Variants in COG3 observed in about 807,000 individuals in gnomAD.
COG3 encodes conserved oligomeric Golgi complex subunit 3.
COG3 carries 32 observed loss-of-function variants against 114.1 expected under a neutral mutation model. The observed-to-expected ratio is 0.28, with a 90% CI of 0.21 to 0.38. The LOEUF is 0.38. Among genes scored for constraint, COG3 ranks in the 10% least tolerant of loss-of-function variants. The pLI is 1.00. For missense variants in COG3, 813 were observed against 973.2 expected (o/e 0.84, Z 2.19); for synonymous variants, 352 against 365.7 (o/e 0.96, Z 0.43).
chr13:45,494,140 C>T (rs1379690191), intron 12 of COG3, among the ~76,000 whole-genome samples: 1 of 152,084 alleles, frequency 6.6e-6, no homozygotes, highest in Non-Finnish European at 1.5e-5. Flanking sequence ...GCCTGGCCAA[C>T]ATGGTGAAAC....
chr13:45,533,618 T>C (rs1447884022), intron 22 of COG3, among the ~76,000 whole-genome samples: 1 of 152,192 alleles, frequency 6.6e-6, no homozygotes, highest in Non-Finnish European at 1.5e-5. Flanking sequence ...TCACAGTTCA[T>C]ACACACATTT....
At chr13:45,507,571 C>T (rs1318778432) in intron 14 of COG3, among the ~76,000 whole-genome samples, 1 of 151,762 alleles carries the variant, frequency 6.6e-6, no homozygotes, top group East Asian at 1.9e-4. Context: ...TTGAGACCAG[C>T]CTGACTAACA....
Position 45,535,142 on chromosome 13 carries a change from G to A in COG3, c.*411G>A, listed in dbSNP as rs2137941072. 1.0e-6 allele frequency: 1 copy of A among 998,098 alleles called. No homozygotes were observed. The highest frequency in any genetic ancestry group is 1.2e-6 in the Non-Finnish European group (1 of 838,760). 61.8% of individuals were successfully genotyped at this position (998,098 alleles called of 1,614,324 possible). The stretch of plus-strand genomic sequence containing the variant: ...AAGGTTTGCTAAAACGTGAAACACT[G>A]TAACACTTTTAACCACTGAGCATTC... On this transcript the variant is annotated 3_prime_UTR_variant, in exon 23 of 23. Transcript: ENST00000349995.
At chr13:45,496,562 C>A (rs982316196) in intron 13 of COG3, among the ~76,000 whole-genome samples, 13 of 151,864 alleles carry the variant, frequency 8.6e-5, no homozygotes, top group African/African-American at 2.7e-4. Flanking sequence ...CTTTTTAATT[C>A]TTCCTCAAAA....
chr13:45,500,232 T>TA (rs1452500809), intron 13 of COG3, among the ~76,000 whole-genome samples: 2 of 152,116 alleles, frequency 1.3e-5, no homozygotes, highest in Non-Finnish European at 2.9e-5. Flanking sequence ...TAACGTGTTT[T>TA]AAAAAAATAT....
intron 16 of COG3, chr13:45,512,066 A>G: frequency 2.1e-6 from 1 of 480,366 alleles, no homozygotes; most frequent in Admixed American, 3.5e-5. Context: ...CTAAAGTACC[A>G]AAAGTGGTAC....
intron 19 of COG3, among the ~76,000 whole-genome samples, chr13:45,519,502 C>T (rs1377338290): frequency 3.3e-5 from 5 of 152,088 alleles, no homozygotes; most frequent in African/African-American, 9.7e-5. Context: ...TTTTACATGC[C>T]GTTTTTCTCT....
intron 7 of COG3, among the ~76,000 whole-genome samples, chr13:45,486,207 A>G (rs1306896788): frequency 1.4e-5 from 2 of 145,014 alleles, no homozygotes; most frequent in African/African-American, 5.6e-5. Flanking sequence ...AGACTGAGGC[A>G]GGAGAATCAG....
At chr13:45,518,666 T>A in intron 17 of COG3, 96 bp from the exon 18 acceptor site, 1 of 893,484 alleles carries the variant, frequency 1.1e-6, no homozygotes, top group East Asian at 2.4e-5. Flanking sequence ...GTGAATTGGC[T>A]TTTTGCCTTG....
chr13:45,530,092 A>T (rs938487118), intron 21 of COG3, among the ~76,000 whole-genome samples, 174 bp downstream of exon 21: 1 of 152,234 alleles, frequency 6.6e-6, no homozygotes, highest in African/African-American at 2.4e-5. Context: ...TGTCTTGATT[A>T]TCTTTTTTTC....
chr13:45,528,306 C>T (rs1231117759), intron 20 of COG3, among the ~76,000 whole-genome samples: 1 of 152,132 alleles, frequency 6.6e-6, no homozygotes, highest in Non-Finnish European at 1.5e-5. Context: ...AGTACCTACT[C>T]TTTCACCACT....
intron 2 of COG3, among the ~76,000 whole-genome samples, chr13:45,478,326 G>C (rs1348035852): frequency 6.6e-6 from 1 of 151,568 alleles, no homozygotes; most frequent in Non-Finnish European, 1.5e-5. Flanking sequence ...TGAGTAACTG[G>C]GACTACAGGC....
At chr13:45,518,675 TGTG>T in intron 17 of COG3, 84 bp from the exon 18 acceptor site, 1 of 982,674 alleles carries the variant, frequency 1.0e-6, no homozygotes. Flanking sequence ...CTTTTTGCCT[TGTG>T]GTGGTAGAGA....
At chr13:45,489,623 A>G (rs1886901180) in intron 8 of COG3, among the ~76,000 whole-genome samples, 1 of 152,214 alleles carries the variant, frequency 6.6e-6, no homozygotes, top group African/African-American at 2.4e-5. Context: ...GACAAAAAGC[A>G]TAAAATACTT....
Position 45,492,256 on chromosome 13 carries a change from T to C in COG3, c.1187+6T>C. The C allele has an allele frequency of 6.5e-7, 1 of 1,547,668 alleles. No individual in the cohort carries two copies. Among genetic ancestry groups the C allele is most frequent in the South Asian group, 1.1e-5 (1 of 88,634 alleles). On this transcript the variant is annotated splice_donor_region_variant and intron_variant, in intron 11 of 22. Transcript: ENST00000349995. ...AAACCAACATCAAAATTAGAGTAGG[T>C]GGACATGGAATCTAACTCTTGTTCA...
intron 16 of COG3, among the ~76,000 whole-genome samples, chr13:45,512,977 C>T (rs1269036864): frequency 2.9e-5 from 3 of 103,166 alleles, no homozygotes; most frequent in African/African-American, 1.1e-4. Context: ...GCTTCTCCCA[C>T]AGACCCTGAG....
chr13:45,479,340 T>C (rs1426867155), intron 3 of COG3, among the ~76,000 whole-genome samples: 2 of 152,030 alleles, frequency 1.3e-5, no homozygotes. Flanking sequence ...TAGGTTCAGG[T>C]AGGAGTTGTA....
intron 13 of COG3, among the ~76,000 whole-genome samples, chr13:45,502,120 C>T (rs1869605430): frequency 6.6e-6 from 1 of 151,992 alleles, no homozygotes; most frequent in African/African-American, 2.4e-5. Flanking sequence ...GATGGGTGGT[C>T]CATTTGCAGG....
chr13:45,470,285 A>C (rs998071531), intron 1 of COG3, among the ~76,000 whole-genome samples: 2 of 152,176 alleles, frequency 1.3e-5, no homozygotes, highest in African/African-American at 4.8e-5. Context: ...CTGAGGAGGA[A>C]ACTAGATGGC....
Sources: allele counts gnomAD v4.1 joint callset (sites outside exome capture counted in the v4.1 genomes callset), GRCh38; gene constraint gnomAD v4.1.1; transcripts MANE v1.5; gene names NCBI Gene and HGNC (gene_info 2026-07-23, HGNC 2026-07-21).